Variants in BBS9 observed in about 807,000 individuals in gnomAD.
The protein encoded by BBS9 is protein PTHB1.
BBS9 carries 89 observed loss-of-function variants against 117.7 expected under a neutral mutation model. The ratio of observed to expected loss-of-function variants is 0.76; its 90% CI spans 0.64 to 0.90. The LOEUF (loss-of-function observed/expected upper bound fraction) is 0.90, where lower values mean the gene tolerates loss of function less well. Ranked by LOEUF, BBS9 falls within the 40% of genes least tolerant of loss-of-function variation. BBS9 has a pLI of 0.00. For synonymous variants in BBS9, 379 were observed against 370.9 expected (o/e 1.02, Z -0.25); for missense variants, 982 against 1,042.2 (o/e 0.94, Z 0.80).
intron 16 of BBS9, among the ~76,000 whole-genome samples, chr7:33,361,181 A>G (rs568510615): frequency 9.5e-4 from 144 of 152,326 alleles, no homozygotes; most frequent in Non-Finnish European, 1.5e-3. Flanking sequence ...TAAATGGGCT[A>G]GAGAAAAGGG....
rs540256687 is a variant in BBS9, at chr7:33,191,238, G to T, written c.442+13647G>T. Among the ~76,000 whole-genome samples, 8 of 152,166 alleles carry T rather than the reference G, an allele frequency of 5.3e-5. No homozygotes were observed. The South Asian group carries it at 1.5e-3, about 28-fold the overall frequency. ...GTGGATGTTGGGTGCAGTTTTTCAG[G>T]GTATGCAAAACAGGCTGAAAATATC... On this transcript the variant is annotated intron_variant, in intron 5 of 22. Coordinates refer to ENST00000242067, the MANE Select transcript of BBS9 (RefSeq NM_198428.3).
At chr7:33,626,196 C>G (rs896310160) in intron 21 of BBS9, among the ~76,000 whole-genome samples, 1 of 152,164 alleles carries the variant, frequency 6.6e-6, no homozygotes, top group African/African-American at 2.4e-5. Flanking sequence ...TCCTCCTGCT[C>G]TGGCCATGTA....
At chr7:33,258,106 T>C (rs1797384895) in intron 6 of BBS9, among the ~76,000 whole-genome samples, 1 of 152,212 alleles carries the variant, frequency 6.6e-6, no homozygotes, top group Non-Finnish European at 1.5e-5. Context: ...ATGTTTTTTA[T>C]TGGCAGAGAG....
chr7:33,585,461 A>C (rs993544587), intron 21 of BBS9, among the ~76,000 whole-genome samples: 4 of 152,062 alleles, frequency 2.6e-5, no homozygotes, highest in African/African-American at 7.2e-5. Flanking sequence ...TGAATTTTGG[A>C]ATCAGCATAT....
At chr7:33,217,932 C>T (rs1226973646) in intron 5 of BBS9, among the ~76,000 whole-genome samples, 1 of 151,962 alleles carries the variant, frequency 6.6e-6, no homozygotes, top group African/African-American at 2.4e-5. Flanking sequence ...ATTGGTTGTA[C>T]ATTAAAAGCA....
chr7:33,616,978 G>C (rs1865169976), intron 21 of BBS9, among the ~76,000 whole-genome samples: 1 of 151,848 alleles, frequency 6.6e-6, no homozygotes. Flanking sequence ...TTCTGTTTCT[G>C]GGTTATATCA....
intron 21 of BBS9, among the ~76,000 whole-genome samples, chr7:33,614,508 C>G (rs1365170601): frequency 1.3e-5 from 2 of 152,052 alleles, no homozygotes; most frequent in African/African-American, 4.8e-5. Context: ...CTCTTCTTAT[C>G]TGTCAGAGAA....
rs373595531 is a variant in BBS9 at position 33,344,539 on chromosome 7, T to C, written c.1276-42T>C. 6 of 1,584,194 alleles carry C rather than the reference T, an allele frequency of 3.8e-6. No individual in the cohort carries two copies. The African/African-American group carries it at 4.0e-5, about 11-fold the overall frequency. ...TGTGTTCACTCACTGCTGTGTAATATTGACATCATTCTTTCTTGCCTTCTC... is the reference window on the plus strand; with the variant it reads ...TGTGTTCACTCACTGCTGTGTAATACTGACATCATTCTTTCTTGCCTTCTC... On this transcript the variant is annotated intron_variant, in intron 11 of 22. Coordinates refer to ENST00000242067, the MANE Select transcript of BBS9 (RefSeq NM_198428.3).
intron 21 of BBS9, among the ~76,000 whole-genome samples, chr7:33,581,141 T>G (rs1490652832): frequency 6.6e-6 from 1 of 151,948 alleles, no homozygotes; most frequent in Non-Finnish European, 1.5e-5. Flanking sequence ...GAATCTTTTT[T>G]ATTTGTTTTT....
At chr7:33,468,425 G>A (rs1386547643) in intron 19 of BBS9, among the ~76,000 whole-genome samples, 1 of 151,914 alleles carries the variant, frequency 6.6e-6, no homozygotes, top group Non-Finnish European at 1.5e-5. Flanking sequence ...CATATTTATG[G>A]GATACATGTG....
intron 4 of BBS9, among the ~76,000 whole-genome samples, chr7:33,159,016 A>C (rs1376035617): frequency 6.6e-6 from 1 of 152,084 alleles, no homozygotes; most frequent in East Asian, 1.9e-4. Flanking sequence ...CCTTATTTGA[A>C]CATAGTTTGA....
intron 21 of BBS9, among the ~76,000 whole-genome samples, chr7:33,575,253 C>G (rs1478178425): frequency 6.6e-6 from 1 of 152,088 alleles, no homozygotes; most frequent in Non-Finnish European, 1.5e-5. Context: ...GTGGTGTTCT[C>G]ATGGGTTCAA....
intron 19 of BBS9, among the ~76,000 whole-genome samples, chr7:33,408,455 C>T (rs1281714449): frequency 6.6e-6 from 1 of 152,126 alleles, no homozygotes; most frequent in Non-Finnish European, 1.5e-5. Context: ...TCTCCTGCGC[C>T]CACTATCTGG....
At chr7:33,313,178 C>A (rs938117053) in intron 9 of BBS9, among the ~76,000 whole-genome samples, 5 of 151,486 alleles carry the variant, frequency 3.3e-5, no homozygotes, top group African/African-American at 1.2e-4. Context: ...AGGAAGCATT[C>A]TTTTCCCTCA....
Position 33,336,578 on chromosome 7 carries a change from T to G in BBS9, c.1154T>G (p.Met385Arg), listed in dbSNP as rs1563019861. Residue 385 changes from methionine (M) to arginine (R), a missense_variant, in exon 10 of 23, where the codon ATG (methionine) becomes AGG (arginine). Coordinates refer to ENST00000242067, the MANE Select transcript of BBS9 (RefSeq NM_198428.3). ...ELNYDELDVE[M>R]KELQKIIKDV... Reference sequence around the variant, plus strand: ...AACTATGATGAACTTGATGTAGAAATGAAAGAACTTCAGAAAATCATCAAA... The same window carrying G: ...AACTATGATGAACTTGATGTAGAAAGGAAAGAACTTCAGAAAATCATCAAA... The G allele has an allele frequency of 6.2e-7, 1 of 1,612,918 alleles. No homozygotes were observed. The highest frequency in any genetic ancestry group is 1.7e-5 in the Admixed American group (1 of 59,944).
chr7:33,276,673 C>T (rs556316345), intron 9 of BBS9, among the ~76,000 whole-genome samples: 1 of 152,210 alleles, frequency 6.6e-6, no homozygotes, highest in Non-Finnish European at 1.5e-5. Flanking sequence ...ACAGCATAAA[C>T]TAGCAAGAGC....
chr7:33,445,396 GAA>G (rs1382321649), intron 19 of BBS9, among the ~76,000 whole-genome samples: 1 of 152,158 alleles, frequency 6.6e-6, no homozygotes, highest in Non-Finnish European at 1.5e-5. Context: ...TGCAAAACAT[GAA>G]GTTTTGCAGG....
intron 19 of BBS9, among the ~76,000 whole-genome samples, chr7:33,437,031 A>G (rs1835399351): frequency 6.6e-6 from 1 of 152,236 alleles, no homozygotes; most frequent in Non-Finnish European, 1.5e-5. Flanking sequence ...TTAAAATATC[A>G]GGGATTGAAT....
chr7:33,279,156 G>A (rs1024106694), intron 9 of BBS9, among the ~76,000 whole-genome samples: 1 of 152,080 alleles, frequency 6.6e-6, no homozygotes, highest in Non-Finnish European at 1.5e-5. Context: ...AGCCTCCTGA[G>A]TAGCTACAAC....
Sources: allele counts gnomAD v4.1 joint callset (sites outside exome capture counted in the v4.1 genomes callset), GRCh38; gene constraint gnomAD v4.1.1; transcripts MANE v1.5; gene names NCBI Gene and HGNC (gene_info 2026-07-23, HGNC 2026-07-21).